Variants in TSPEAR observed in about 807,000 individuals in gnomAD.
The protein encoded by TSPEAR is thrombospondin-type laminin G domain and EAR repeat-containing protein.
In TSPEAR, 69 loss-of-function variants were observed where a neutral mutation model predicts 71.6. That is an observed-to-expected ratio of 0.96 (90% CI 0.79 to 1.18). The LOEUF is 1.18. Ranked by LOEUF, TSPEAR falls within the 50% of genes most tolerant of loss-of-function variation. The pLI is 0.00. For synonymous variants in TSPEAR, 402 were observed against 387.2 expected (o/e 1.04, Z -0.45); for missense variants, 971 against 894.9 (o/e 1.09, Z -1.09).
At chr21:44,592,821 C>T in intron 1 of TSPEAR, among the ~76,000 whole-genome samples, 1 of 152,170 alleles carries the variant, frequency 6.6e-6, no homozygotes, top group East Asian at 1.9e-4. Flanking sequence ...CACAGAGTCC[C>T]TCTGCAGGAA....
chr21:44,696,475 C>G (rs1408085582), intron 1 of TSPEAR, among the ~76,000 whole-genome samples: 2 of 152,192 alleles, frequency 1.3e-5, no homozygotes, highest in Non-Finnish European at 2.9e-5. Flanking sequence ...ACAGCCCCTA[C>G]TTTACAAGGT....
chr21:44,598,565 G>A (rs1184061172), intron 1 of TSPEAR, among the ~76,000 whole-genome samples: 2 of 152,142 alleles, frequency 1.3e-5, no homozygotes, highest in Non-Finnish European at 2.9e-5. Context: ...GGTCACTTTA[G>A]AGATTATAGC....
chr21:44,627,642 G>A, intron 1 of TSPEAR: 1 of 1,608,494 alleles, frequency 6.2e-7, no homozygotes, highest in Non-Finnish European at 8.5e-7. Context: ...CCTGCTCTGA[G>A]GATTCCTATT....
chr21:44,552,314 C>T (rs993585811), intron 2 of TSPEAR, among the ~76,000 whole-genome samples: 5 of 152,076 alleles, frequency 3.3e-5, no homozygotes, highest in African/African-American at 4.8e-5. Context: ...GGCCCTGACC[C>T]CGGGGCAGGG....
chr21:44,589,500 A>G (rs1187778721), intron 1 of TSPEAR, among the ~76,000 whole-genome samples: 1 of 152,220 alleles, frequency 6.6e-6, no homozygotes, highest in East Asian at 1.9e-4. Context: ...TCTGAGGTAG[A>G]TGCCTAGAAC....
chr21:44,598,059 T>C (rs1481408808), intron 1 of TSPEAR, among the ~76,000 whole-genome samples: 2 of 152,166 alleles, frequency 1.3e-5, no homozygotes, highest in Non-Finnish European at 1.5e-5. Flanking sequence ...CTTTAATTCC[T>C]AGTACCCCCG....
chr21:44,573,780 C>A, intron 1 of TSPEAR: 1 of 1,614,062 alleles, frequency 6.2e-7, no homozygotes, highest in Non-Finnish European at 8.5e-7. Flanking sequence ...CTCCAGCGAC[C>A]TGAGCTACAG....
intron 1 of TSPEAR, chr21:44,600,827 G>T: frequency 6.7e-7 from 1 of 1,493,242 alleles, no homozygotes. Context: ...CCCTGCTGCC[G>T]AGTGACCTGT....
At position 44,599,170 on chromosome 21, in the gene TSPEAR, C is replaced by G. The variant is rs879957885; in HGVS notation, c.83-31165G>C. 5.5e-3 allele frequency among the ~76,000 whole-genome samples: 687 copies of G among 124,546 alleles called. 8 individuals are homozygous for G. Among genetic ancestry groups the G allele is most frequent in the East Asian group, 0.031 (119 of 3,858 alleles). 81.7% of individuals were successfully genotyped at this position (124,546 alleles called of 152,430 possible). On this transcript the variant is annotated intron_variant, in intron 1 of 11. Transcript: ENST00000323084. ...TCTCTCTCTCTCTCTCTCTCTCTCTCTCCTTCCATCCCATAGGACCAGATC... is the reference window on the plus strand; with the variant it reads ...TCTCTCTCTCTCTCTCTCTCTCTCTGTCCTTCCATCCCATAGGACCAGATC...
At chr21:44,585,946 T>G (rs1979309060) in intron 1 of TSPEAR, among the ~76,000 whole-genome samples, 1 of 152,246 alleles carries the variant, frequency 6.6e-6, no homozygotes, top group African/African-American at 2.4e-5. Flanking sequence ...TGTCTTCTTC[T>G]CACAGAGCTG....
intron 1 of TSPEAR, among the ~76,000 whole-genome samples, chr21:44,682,664 T>C (rs1335982003): frequency 1.3e-5 from 2 of 152,212 alleles, no homozygotes; most frequent in East Asian, 1.9e-4. Context: ...CAACCAGCAG[T>C]GCAGACTGTG....
At chr21:44,555,112 G>C (rs1378527789) in intron 2 of TSPEAR, among the ~76,000 whole-genome samples, 5 of 152,086 alleles carry the variant, frequency 3.3e-5, no homozygotes, top group Non-Finnish European at 7.3e-5. Flanking sequence ...TCCTAAAGAC[G>C]GAAAAGCAAC....
chr21:44,542,742 T>TAAAAAAA (rs11404148), intron 2 of TSPEAR, among the ~76,000 whole-genome samples: 3 of 119,968 alleles, frequency 2.5e-5, no homozygotes, highest in African/African-American at 6.5e-5. Context: ...AGAGACCTGT[T>TAAAAAAA]AAAAAAAAAA....
intron 9 of TSPEAR, chr21:44,518,949 C>T (rs1601351036): frequency 7.8e-6 from 2 of 255,108 alleles, no homozygotes; most frequent in South Asian, 4.2e-5. Context: ...TGCTGTCGGC[C>T]GGATTGCTGT....
At chr21:44,526,159 A>G (rs1482571552) in intron 7 of TSPEAR, among the ~76,000 whole-genome samples, 1 of 152,236 alleles carries the variant, frequency 6.6e-6, no homozygotes, top group African/African-American at 2.4e-5. Context: ...TGTTCTTCAT[A>G]ACCCAGATGA....
At chr21:44,551,069 G>A (rs782660586) in intron 2 of TSPEAR, 2 of 1,611,338 alleles carry the variant, frequency 1.2e-6, no homozygotes, top group Non-Finnish European at 1.7e-6. Flanking sequence ...AAGAGGCACA[G>A]CAAGCTGGCT....
chr21:44,657,844 G>C, intron 1 of TSPEAR: 1 of 824,990 alleles, frequency 1.2e-6, no homozygotes, highest in Non-Finnish European at 1.9e-6. Flanking sequence ...AAACACAGTG[G>C]AAACAACCAC....
At chr21:44,584,402 T>G (rs587711188) in intron 1 of TSPEAR, among the ~76,000 whole-genome samples, 6 of 152,360 alleles carry the variant, frequency 3.9e-5, no homozygotes, top group African/African-American at 1.2e-4. Context: ...AGCATGGCAG[T>G]GCAGGTATCT....
Position 44,642,417 on chromosome 21 carries a change from C to G in TSPEAR, c.82+69016G>C, listed in dbSNP as rs1195678856. Among the ~76,000 whole-genome samples the G allele has an allele frequency of 6.6e-6, 1 of 152,094 alleles. No homozygotes were observed. The highest frequency in any genetic ancestry group is 1.5e-5 in the Non-Finnish European group (1 of 68,018). On this transcript the variant is annotated intron_variant, in intron 1 of 11. Transcript: ENST00000323084. This position sits in a 1 kb window ranked among gnomAD's most constrained non-coding sequence, Gnocchi z 4.1. ...ATCCTGATGCCAAAACCAGGAATAA[C>G]AGCGAGAGAGATAGGACTGTAGACC...
Sources: gnomAD v4.1 joint callset for allele counts (sites outside exome capture counted in the v4.1 genomes callset) on GRCh38, gnomAD v4.1.1 for gene constraint, Gnocchi (gnomAD v3.1) non-coding constraint, MANE v1.5 for transcripts, NCBI Gene and HGNC (gene_info 2026-07-23, HGNC 2026-07-21) for gene names.